The following KIAA0319L variants were observed in gnomAD, a reference collection of about 807,000 sequenced individuals.
The protein encoded by KIAA0319L is dyslexia-associated protein KIAA0319-like protein.
Under a neutral mutation model 120.1 loss-of-function variants are expected in KIAA0319L, and 55 were observed. The ratio of observed to expected loss-of-function variants is 0.46; its 90% CI spans 0.37 to 0.57. The LOEUF is 0.57. Among genes scored for constraint, KIAA0319L ranks in the 20% least tolerant of loss-of-function variants. KIAA0319L has a pLI of 0.00. For missense variants in KIAA0319L, 1,049 were observed against 1,255.3 expected (o/e 0.84, Z 2.48); for synonymous variants, 398 against 471.9 (o/e 0.84, Z 2.03).
Position 35,434,931 on chromosome 1 carries a change from G to A in KIAA0319L, c.3113C>T (p.Pro1038Leu), listed in dbSNP as rs747507850. Residue 1038 changes from proline (P) to leucine (L), a missense_variant, in exon 21 of 21, where the codon CCT becomes CTT. Physicochemically the swap from Pro to Leu is moderately conservative, Grantham distance 98. Coordinates refer to ENST00000325722, the MANE Select transcript of KIAA0319L (RefSeq NM_024874.5). The part of the protein sequence containing the change: ...QNGSVPNGQT[P>L]LKARSPREEI... ...CTCCCGCGGGCTCCTGGCCTTCAGAGGGGTCTGCCCGTTGGGTACAGAGCC... is the reference window on the plus strand; with the variant it reads ...CTCCCGCGGGCTCCTGGCCTTCAGAAGGGTCTGCCCGTTGGGTACAGAGCC... The A allele has an allele frequency of 1.9e-6, 3 of 1,613,668 alleles. No individual in the cohort carries two copies. Among genetic ancestry groups the A allele is most frequent in the Non-Finnish European group, 2.5e-6 (3 of 1,180,030 alleles).
chr1:35,485,475 C>A (rs1296296130), intron 3 of KIAA0319L, among the ~76,000 whole-genome samples: 1 of 152,238 alleles, frequency 6.6e-6, no homozygotes, highest in East Asian at 1.9e-4. Flanking sequence ...ACAGCCAGTT[C>A]TCAAGTCCCC....
rs764704438 is a variant in KIAA0319L, at chr1:35,448,125, G to A, written c.2513+48C>T. ...ATTTCTCAGCTCATTCAAGAAGCCC[G>A]GGGGCCCCTGGTCTTTCCTTTGCTC... On this transcript the variant is annotated intron_variant, in intron 16 of 20. Transcript: ENST00000325722. 5.3e-5 allele frequency: 80 copies of A among 1,510,034 alleles called. 1 individual carries two copies. In the South Asian group the frequency reaches 5.7e-4, roughly 11 times the overall value. 93.5% of individuals were successfully genotyped at this position (1,510,034 alleles called of 1,614,324 possible).
intron 3 of KIAA0319L, among the ~76,000 whole-genome samples, chr1:35,481,358 AACTGTT>A (rs932524956): frequency 6.6e-6 from 1 of 152,110 alleles, no homozygotes; most frequent in Non-Finnish European, 1.5e-5. Context: ...AGAAACTATG[AACTGTT>A]ACCCAAAGTG....
At chr1:35,542,632 T>C (rs998879052) in intron 2 of KIAA0319L, among the ~76,000 whole-genome samples, 3 of 152,102 alleles carry the variant, frequency 2.0e-5, no homozygotes, top group Non-Finnish European at 4.4e-5. Flanking sequence ...CATCTGAAAA[T>C]AGGTGTGCAC....
chr1:35,524,909 C>T (rs967820469), intron 2 of KIAA0319L, among the ~76,000 whole-genome samples: 3 of 152,230 alleles, frequency 2.0e-5, no homozygotes, highest in African/African-American at 7.2e-5. Flanking sequence ...ACTATAGTTA[C>T]CCTACTCTAC....
chr1:35,484,303 T>C (rs986200732), intron 3 of KIAA0319L, among the ~76,000 whole-genome samples: 5 of 152,316 alleles, frequency 3.3e-5, no homozygotes, highest in African/African-American at 9.6e-5. Context: ...AAGCTAGGTA[T>C]GGTGGTGCAC....
At chr1:35,447,237 T>TA (rs34645390) in intron 16 of KIAA0319L, among the ~76,000 whole-genome samples, 10,813 of 138,002 alleles carry the variant, frequency 0.078, 957 homozygotes, top group East Asian at 0.44. Context: ...GATCTTTCTT[T>TA]AAAAAAAAAA....
chr1:35,491,020 G>A (rs1644573077), intron 3 of KIAA0319L, among the ~76,000 whole-genome samples: 1 of 152,202 alleles, frequency 6.6e-6, no homozygotes, highest in South Asian at 2.1e-4. Flanking sequence ...AGAACTGTGA[G>A]TCAATTAAAC....
rs1640873616 is a variant in KIAA0319L, at chr1:35,437,345, A to G, written c.2963-2264T>C. ...CTTCCCTTCTCCCTCCTTCCTCCTC[A>G]GTCAGGAAGCACCTCTCCAACGCAC... On this transcript the variant is annotated intron_variant, in intron 20 of 20. Coordinates refer to ENST00000325722, the MANE Select transcript of KIAA0319L (RefSeq NM_024874.5). The surrounding 1 kb of genome is among the most constrained non-coding windows in gnomAD (Gnocchi z 4.1). Among the ~76,000 whole-genome samples the G allele has an allele frequency of 6.6e-6, 1 of 151,846 alleles. No individual in the cohort carries two copies. Among genetic ancestry groups the G allele is most frequent in the South Asian group, 2.1e-4 (1 of 4,804 alleles).
At chr1:35,518,534 C>G (rs753788722) in intron 2 of KIAA0319L, among the ~76,000 whole-genome samples, 2 of 151,974 alleles carry the variant, frequency 1.3e-5, no homozygotes, top group Non-Finnish European at 2.9e-5. Flanking sequence ...AAGGGAACAA[C>G]AGACACTGGA....
chr1:35,529,414 T>C (rs1427817743), intron 2 of KIAA0319L, among the ~76,000 whole-genome samples: 1 of 152,250 alleles, frequency 6.6e-6, no homozygotes, highest in Non-Finnish European at 1.5e-5. Flanking sequence ...TTGTATACTT[T>C]CACGAGTTTT....
chr1:35,520,513 C>T (rs1570934449), intron 2 of KIAA0319L, among the ~76,000 whole-genome samples: 1 of 152,288 alleles, frequency 6.6e-6, no homozygotes, highest in South Asian at 2.1e-4. Context: ...CCCACCTTAG[C>T]CTCCCAAATA....
intron 2 of KIAA0319L, among the ~76,000 whole-genome samples, chr1:35,521,395 G>A (rs541818306): frequency 6.6e-6 from 1 of 152,080 alleles, no homozygotes; most frequent in South Asian, 2.1e-4. Flanking sequence ...AGCACTTCGG[G>A]AGGCCAAGAT....
intron 3 of KIAA0319L, among the ~76,000 whole-genome samples, chr1:35,493,431 G>A (rs1316686089): frequency 6.6e-6 from 1 of 151,798 alleles, no homozygotes; most frequent in Admixed American, 6.6e-5. Context: ...TAAAAATAAA[G>A]ATGTGCAAGA....
In KIAA0319L at chr1:35,435,523, C is replaced by CA. The variant is rs535236338; in HGVS notation, c.2963-443dup. ...TCAGCAAGGCCGCTGAGTGCTGGCA[C>CA]AGCAGGAGTGTGCAGTTTCAGTCCA... On this transcript the variant is annotated intron_variant, in intron 20 of 20. Transcript: ENST00000325722. The CA allele has an allele frequency of 3.3e-4, 54 of 164,042 alleles. 1 individual carries two copies. The highest frequency in any genetic ancestry group is 2.9e-3 in the Middle Eastern group (1 of 342). 10.2% of individuals were successfully genotyped at this position (164,042 alleles called of 1,614,324 possible).
intron 2 of KIAA0319L, among the ~76,000 whole-genome samples, chr1:35,512,410 G>C (rs928391571): frequency 6.8e-6 from 1 of 146,152 alleles, no homozygotes; most frequent in African/African-American, 2.5e-5. Flanking sequence ...CCCAAAGTAA[G>C]TAAAGGAAAG....
intron 17 of KIAA0319L, 114 bp downstream of exon 17, chr1:35,444,047 G>T (rs1208616733): frequency 7.7e-6 from 7 of 903,252 alleles, no homozygotes; most frequent in South Asian, 5.7e-5. Flanking sequence ...GCAAGAGAAT[G>T]ATTATCTCCA....
At chr1:35,442,523 C>T (rs552946063) in intron 18 of KIAA0319L, among the ~76,000 whole-genome samples, 187 bp from the exon 19 acceptor site, 1 of 152,270 alleles carries the variant, frequency 6.6e-6, no homozygotes, top group Admixed American at 6.5e-5. Context: ...CCCTGCTTTC[C>T]AGTCCCTGCT....
chr1:35,552,461 C>T (rs6703605), intron 2 of KIAA0319L, among the ~76,000 whole-genome samples: 33,023 of 152,100 alleles, frequency 0.22, 7,461 homozygotes, highest in African/African-American at 0.54. Flanking sequence ...CCTACCTCCA[C>T]CATGTTCTTG....
Sources: gnomAD v4.1 joint callset for allele counts (sites outside exome capture counted in the v4.1 genomes callset) on GRCh38, gnomAD v4.1.1 for gene constraint, Gnocchi (gnomAD v3.1) non-coding constraint, MANE v1.5 for transcripts, NCBI Gene and HGNC (gene_info 2026-07-23, HGNC 2026-07-21) for gene names.